The following CDH13 variants were observed in gnomAD, a reference collection of about 807,000 sequenced individuals.
The protein encoded by CDH13 is cadherin-13.
CDH13 carries 24 observed loss-of-function variants against 63.8 expected under a neutral mutation model. The ratio of observed to expected loss-of-function variants is 0.38; its 90% confidence interval spans 0.27 to 0.53. The LOEUF is 0.53. Ranked by LOEUF, CDH13 falls within the 20% of genes least tolerant of loss-of-function variation. The probability of loss-of-function intolerance (pLI) is 0.85; values close to 1 mark genes in which losing one functional copy is unlikely to be tolerated. For synonymous variants in CDH13, 503 were observed against 355.3 expected (o/e 1.42, Z -4.67); for missense variants, 1,049 against 903.1 (o/e 1.16, Z -2.07).
At chr16:83,583,266 G>A (rs1425998417) in intron 7 of CDH13, among the ~76,000 whole-genome samples, 3 of 152,142 alleles carry the variant, frequency 2.0e-5, no homozygotes, top group African/African-American at 2.4e-5. Context: ...AATTACATCT[G>A]CAGAGACCCA....
intron 3 of CDH13, among the ~76,000 whole-genome samples, chr16:83,110,433 C>A (rs373759346): frequency 6.6e-6 from 1 of 152,138 alleles, no homozygotes; most frequent in Non-Finnish European, 1.5e-5. Flanking sequence ...CCTTGCAATG[C>A]GGAAGAGCAC....
intron 1 of CDH13, among the ~76,000 whole-genome samples, chr16:82,783,188 C>T (rs2151118651): frequency 6.6e-6 from 1 of 152,326 alleles, no homozygotes; most frequent in South Asian, 2.1e-4. Context: ...AATCCATACT[C>T]ATAGCCAGAC....
chr16:83,365,835 A>G (rs1051560837), intron 6 of CDH13, among the ~76,000 whole-genome samples: 1 of 152,196 alleles, frequency 6.6e-6, no homozygotes, highest in African/African-American at 2.4e-5. Flanking sequence ...ATTGGGCTGC[A>G]TGGGAAGTGT....
At chr16:83,749,278 C>T (rs561693330) in intron 11 of CDH13, among the ~76,000 whole-genome samples, 2 of 152,290 alleles carry the variant, frequency 1.3e-5, no homozygotes, top group African/African-American at 4.8e-5. Flanking sequence ...ATGCCGGCTA[C>T]TCACACAAAC....
At chr16:83,329,403 T>A (rs1049847228) in intron 5 of CDH13, among the ~76,000 whole-genome samples, 1 of 57,078 alleles carries the variant, frequency 1.8e-5, no homozygotes, top group Non-Finnish European at 4.6e-5. Context: ...TTTTTGTATT[T>A]TTTTTTTTTT....
At chr16:82,718,240 T>C (rs1235108545) in intron 1 of CDH13, among the ~76,000 whole-genome samples, 1 of 152,180 alleles carries the variant, frequency 6.6e-6, no homozygotes, top group Non-Finnish European at 1.5e-5. Flanking sequence ...TTATCCCCAC[T>C]GAGGAATGAG....
intron 1 of CDH13, among the ~76,000 whole-genome samples, chr16:82,710,181 A>AATTAAATTTATTATTTATAT (rs2031799655): frequency 6.9e-6 from 1 of 144,938 alleles, no homozygotes; most frequent in Admixed American, 6.9e-5. Flanking sequence ...TTAATTTATA[A>AATTAAATTTATTATTTATAT]ATTAAATTTA....
At chr16:82,924,967 T>G (rs2042260079) in intron 2 of CDH13, among the ~76,000 whole-genome samples, 1 of 152,236 alleles carries the variant, frequency 6.6e-6, no homozygotes. Context: ...CCTTAAAAAC[T>G]TCGCATGAGA....
At chr16:83,365,218 T>C (rs1597839097) in intron 6 of CDH13, among the ~76,000 whole-genome samples, 1 of 152,140 alleles carries the variant, frequency 6.6e-6, no homozygotes. Context: ...TCATTTCCAG[T>C]CTAAACGCCA....
At chr16:82,865,869 C>G (rs972389668) in intron 2 of CDH13, among the ~76,000 whole-genome samples, 1 of 152,194 alleles carries the variant, frequency 6.6e-6, no homozygotes, top group Non-Finnish European at 1.5e-5. Context: ...CTGTGCTTCC[C>G]TTTTAAATAA....
chr16:83,274,724 G>GCC (rs137981120), intron 5 of CDH13, among the ~76,000 whole-genome samples: 1 of 149,518 alleles, frequency 6.7e-6, no homozygotes, highest in Non-Finnish European at 1.5e-5. Context: ...ACACCTGGTG[G>GCC]CAGGGGGGGT....
At chr16:83,671,795 A>T (rs1160261702) in intron 9 of CDH13, among the ~76,000 whole-genome samples, 1 of 152,218 alleles carries the variant, frequency 6.6e-6, no homozygotes, top group Non-Finnish European at 1.5e-5. Flanking sequence ...CAACAAGTAG[A>T]ACAAGGAGGA....
chr16:83,356,011 C>T (rs1406388084), intron 6 of CDH13, among the ~76,000 whole-genome samples: 1 of 152,296 alleles, frequency 6.6e-6, no homozygotes, highest in Non-Finnish European at 1.5e-5. Flanking sequence ...CGTGGTCACA[C>T]AGCTGGTGGG....
chr16:83,599,052 C>T (rs1447255882), intron 7 of CDH13, among the ~76,000 whole-genome samples: 1 of 152,166 alleles, frequency 6.6e-6, no homozygotes, highest in African/African-American at 2.4e-5. Flanking sequence ...TGGGGTCAGC[C>T]CCACCCACCT....
chr16:83,477,432 C>T (rs1324231599), intron 6 of CDH13, among the ~76,000 whole-genome samples: 1 of 152,178 alleles, frequency 6.6e-6, no homozygotes. Context: ...CAGCAACTGT[C>T]CCAAAATTTA....
intron 5 of CDH13, among the ~76,000 whole-genome samples, chr16:83,337,222 C>A (rs1158943933): frequency 6.6e-6 from 1 of 152,140 alleles, no homozygotes; most frequent in East Asian, 1.9e-4. Context: ...CTACTGGATA[C>A]CTGCTCACCC....
intron 7 of CDH13, among the ~76,000 whole-genome samples, chr16:83,568,991 T>G (rs1904325911): frequency 6.6e-6 from 1 of 152,138 alleles, no homozygotes; most frequent in Non-Finnish European, 1.5e-5. Flanking sequence ...TTGAAAGTAC[T>G]GAAGGCTTCA....
intron 5 of CDH13, among the ~76,000 whole-genome samples, chr16:83,252,533 T>C (rs1026488214): frequency 6.6e-6 from 1 of 152,112 alleles, no homozygotes; most frequent in Non-Finnish European, 1.5e-5. Context: ...TTCCTCATGC[T>C]AAGAATGGAA....
intron 6 of CDH13, among the ~76,000 whole-genome samples, chr16:83,393,401 G>T (rs1405849471): frequency 6.6e-6 from 1 of 152,162 alleles, no homozygotes; most frequent in Non-Finnish European, 1.5e-5. Flanking sequence ...TCAGGAGAGA[G>T]CTAAAATGAT....
Sources: allele counts gnomAD v4.1 joint callset (sites outside exome capture counted in the v4.1 genomes callset), GRCh38; gene constraint gnomAD v4.1.1; transcripts MANE v1.5; gene names NCBI Gene and HGNC (gene_info 2026-07-23, HGNC 2026-07-21).